The following METTL26 variants were observed in gnomAD, a reference collection of about 807,000 sequenced individuals.
The protein encoded by METTL26 is methyltransferase-like 26.
A neutral mutation model predicts 24.7 loss-of-function variants in METTL26; 28 were observed. The observed-to-expected ratio is 1.13, with a 90% confidence interval of 0.84 to 1.55. METTL26 has a LOEUF of 1.55. METTL26 is among the 40% of genes most tolerant of loss of function. The pLI, the probability that METTL26 is intolerant of heterozygous loss-of-function variation, is 0.00. For synonymous variants in METTL26, 165 were observed against 125.2 expected, an observed-to-expected ratio of 1.32 and a Z score of -2.12; for missense variants, 344 against 281.2, an observed-to-expected ratio of 1.22 and a Z score of -1.60.
Position 635,293 on chromosome 16 carries a change from G to A in METTL26, c.408C>T (p.Leu136=), listed in dbSNP as rs1187444517. Reference sequence around the variant, plus strand: ...CAGGCCCACTCACCCCGTAGGTGATGAGCAGGGCCCTGGGTTTGAGCAGGT... The same window carrying A: ...CAGGCCCACTCACCCCGTAGGTGATAAGCAGGGCCCTGGGTTTGAGCAGGT... ...AGHLLKPRAL[L]ITYGPYAING... The change falls in exon 3 of 6, where the codon CTC becomes CTT. Residue 136 remains leucine (L), a synonymous_variant. Coordinates refer to ENST00000301686, the MANE Select transcript of METTL26 (RefSeq NM_032366.5). 1 of 1,594,638 alleles carries A rather than the reference G, an allele frequency of 6.3e-7. No individual in the cohort carries two copies. The highest frequency in any genetic ancestry group is 8.5e-7 in the Non-Finnish European group (1 of 1,170,478).
chr16:636,195 G>A lies in METTL26; in HGVS notation c.96C>T (p.Leu32=). ...GCTGGCCGGAGCCCGAGGCCACCTC[G>A]AGGACGCGGACGCCACGCTGGGCCG... ...LDPAQRGVRV[L]EVASGSGQHA... Residue 32 remains leucine (L), a synonymous_variant, in exon 1 of 6, where the codon CTC becomes CTT. Transcript: ENST00000301686. The A allele has an allele frequency of 5.4e-6, 8 of 1,489,792 alleles. No homozygotes were observed. The highest frequency in any genetic ancestry group is 7.1e-6 in the Non-Finnish European group (8 of 1,126,282). The allele number at this position is 1,489,792 out of a possible 1,614,324, so 92.3% of individuals were successfully genotyped here.
chr16:635,690 C>T lies in METTL26; in HGVS notation c.282G>A (p.Trp94Ter), dbSNP rs996157170. The change falls in exon 2 of 6, where the codon TGG becomes TGA. Residue 94 changes from tryptophan to a stop codon, truncating the protein, a stop_gained. Coordinates refer to ENST00000301686, the MANE Select transcript of METTL26 (RefSeq NM_032366.5). LOFTEE classifies it high-confidence loss of function. ...HLDVTWGWEH[W>*]GGILPQSLDL... ...CCAGCGACTGTGGCAGGATCCCGCCCCAGTGCTCCCAGCCCCACGTCACGT... is the reference window on the plus strand; with the variant it reads ...CCAGCGACTGTGGCAGGATCCCGCCTCAGTGCTCCCAGCCCCACGTCACGT... The T allele has an allele frequency of 1.1e-5, 17 of 1,559,934 alleles. No individual in the cohort carries two copies. Among genetic ancestry groups the T allele is most frequent in the Non-Finnish European group, 1.4e-5 (16 of 1,152,930 alleles).
At chr16:634,868 C>A (rs772124479) in intron 4 of METTL26, 21 bp downstream of exon 4, 5 of 1,568,588 alleles carry the variant, frequency 3.2e-6, no homozygotes, top group Non-Finnish European at 2.6e-6. Context: ...CTGAGCCAGA[C>A]CCCCCGCCTC....
At chr16:634,674 C>A in intron 5 of METTL26, 30 bp from the exon 6 acceptor site, 1 of 1,613,048 alleles carries the variant, frequency 6.2e-7, no homozygotes, top group Non-Finnish European at 8.5e-7. Context: ...GAGGACGGCC[C>A]TCAACCCCTA....
chr16:634,924 C>G lies in METTL26; in HGVS notation c.453G>C (p.Gln151His). The G allele has an allele frequency of 6.2e-7, 1 of 1,606,656 alleles. No homozygotes were observed. The highest frequency in any genetic ancestry group is 8.5e-7 in the Non-Finnish European group (1 of 1,177,040). Residue 151 changes from glutamine (Q) to histidine (H), a missense_variant, in exon 4 of 6, where the codon CAG becomes CAC. Gln to His is a conservative substitution (Grantham distance 24). Transcript: ENST00000301686. ...PYAINGKISP[Q>H]SNVDFDLMLR... ...GCATCAGGTCAAAGTCCACGTTGCT[C>G]TGGGGGGAGATCTTCCCATTGATGG...
Position 636,108 on chromosome 16 carries a change from C to A in METTL26, c.183G>T (p.Gln61His). 1 of 1,407,108 alleles carries A rather than the reference C, an allele frequency of 7.1e-7. No individual in the cohort carries two copies. Among genetic ancestry groups the A allele is most frequent in the South Asian group, 1.5e-5 (1 of 65,052 alleles). 87.2% of individuals were successfully genotyped at this position (1,407,108 alleles called of 1,614,324 possible). A position where few individuals can be genotyped will look rare whatever the true frequency, so the allele number is the denominator to read the frequency against. ...LAEWQPSDVDQRCLDSIAATT... is the reference protein window; with the variant it reads ...LAEWQPSDVDHRCLDSIAATT... Reference sequence around the variant, plus strand: ...GGGGGCCGCACCTGTCCAGGCAGCGCTGGTCCACGTCCGACGGCTGCCACT... The same window carrying A: ...GGGGGCCGCACCTGTCCAGGCAGCGATGGTCCACGTCCGACGGCTGCCACT... Residue 61 changes from glutamine to histidine, a missense_variant, in exon 1 of 6, where the codon CAG becomes CAT. Gln to His is a conservative substitution (Grantham distance 24, BLOSUM62 0). Coordinates refer to ENST00000301686, the MANE Select transcript of METTL26 (RefSeq NM_032366.5).
At position 635,666 on chromosome 16, in the gene METTL26, C is replaced by A; in HGVS notation, c.306G>T (p.Leu102=). The A allele has an allele frequency of 6.4e-7, 1 of 1,553,836 alleles. No individual in the cohort carries two copies. Among genetic ancestry groups the A allele is most frequent in the South Asian group, 1.2e-5 (1 of 84,276 alleles). Residue 102 remains leucine, a synonymous_variant, in exon 2 of 6, where the codon CTG becomes CTT. Coordinates refer to ENST00000301686, the MANE Select transcript of METTL26 (RefSeq NM_032366.5). ...EHWGGILPQS[L]DLLLCINMAH... ...CCATGTTGATGCAGAGCAACAGGTC[C>A]AGCGACTGTGGCAGGATCCCGCCCC... is the stretch of plus-strand genomic sequence containing the variant.
intron 1 of METTL26, 48 bp from the exon 2 acceptor site, chr16:635,822 C>G: frequency 6.7e-7 from 1 of 1,492,768 alleles, no homozygotes; most frequent in Admixed American, 2.1e-5. Context: ...GTGCACCCGC[C>G]TTTCCGACGC....
At chr16:635,932 G>A (rs1274363446) in intron 1 of METTL26, 158 bp from the exon 2 acceptor site, 3 of 1,331,170 alleles carry the variant, frequency 2.3e-6, no homozygotes, top group Non-Finnish European at 3.0e-6. Flanking sequence ...TTCCGCAGCC[G>A]CGGGGGCCGC....
At chr16:635,863 G>T (rs1439146604) in intron 1 of METTL26, 89 bp from the exon 2 acceptor site, 7 of 1,444,498 alleles carry the variant, frequency 4.8e-6, no homozygotes, top group East Asian at 2.5e-5. Context: ...GAGGCTGGGG[G>T]GCACGTTGAG....
chr16:635,259 C>T (rs372346583), intron 3 of METTL26, 22 bp downstream of exon 3: 95 of 1,557,242 alleles, frequency 6.1e-5, no homozygotes, highest in Admixed American at 2.8e-4. Flanking sequence ...GCGGGAGGCC[C>T]GCCGTGGACA....
At chr16:635,167 C>T (rs955604790) in intron 3 of METTL26, 114 bp downstream of exon 3, 6 of 1,472,392 alleles carry the variant, frequency 4.1e-6, no homozygotes, top group Admixed American at 2.3e-5. Context: ...GGAGGGGAGG[C>T]CGTGCTGGTG....
rs2037029269 is a variant in METTL26 at position 634,610 on chromosome 16, A to C, written c.602T>G (p.Phe201Cys). Residue 201 changes from phenylalanine (F) to cysteine (C), a missense_variant, in exon 6 of 6, where the codon TTC (phenylalanine) becomes TGC (cysteine). Phe to Cys is a radical substitution (Grantham distance 205). Coordinates refer to ENST00000301686, the MANE Select transcript of METTL26 (RefSeq NM_032366.5). ...TGAAGGAGGGGCTTAGTTTTTCCGGAAGATCAGGCATTTGTTGTTGGCTGG... is the reference window on the plus strand; with the variant it reads ...TGAAGGAGGGGCTTAGTTTTTCCGGCAGATCAGGCATTTGTTGTTGGCTGG... ...DMPANNKCLI[F>C]RKN The C allele has an allele frequency of 1.9e-6, 3 of 1,613,352 alleles. No individual in the cohort carries two copies. Among genetic ancestry groups the C allele is most frequent in the Non-Finnish European group, 2.5e-6 (3 of 1,179,982 alleles).
Position 636,244 on chromosome 16 carries a change from T to C in METTL26, c.47A>G (p.His16Arg). The C allele has an allele frequency of 6.7e-7, 1 of 1,490,080 alleles. No homozygotes were observed. 92.3% of individuals were successfully genotyped at this position (1,490,080 alleles called of 1,614,324 possible). The change falls in exon 1 of 6, where the codon CAC becomes CGC. Residue 16 changes from histidine to arginine, a missense_variant. Transcript: ENST00000301686. ...AAERNKDPIL[H>R]VLRQYLDPAQ... ...CGGATCCAGGTACTGCCGCAGCACG[T>C]GCAAGATGGGATCCTTGTTCCGCTC...
At chr16:635,047 GA>G in intron 3 of METTL26, 91 bp from the exon 4 acceptor site, 1 of 1,531,998 alleles carries the variant, frequency 6.5e-7, no homozygotes, top group Non-Finnish European at 8.7e-7. Flanking sequence ...TTTGGAGAAT[GA>G]AAGGGCACCC....
At chr16:635,925 C>A in intron 1 of METTL26, 151 bp from the exon 2 acceptor site, 2 of 1,342,654 alleles carry the variant, frequency 1.5e-6, no homozygotes, top group Non-Finnish European at 2.0e-6. Flanking sequence ...CACCCACTTC[C>A]GCAGCCGCGG....
Position 634,890 on chromosome 16 carries a change from T to C in METTL26, c.487A>G (p.Arg163Gly), listed in dbSNP as rs933966318. 1.2e-6 allele frequency: 2 copies of C among 1,600,284 alleles called. No homozygotes were observed. The highest frequency in any genetic ancestry group is 3.3e-4 in the Middle Eastern group (2 of 6,026). ...NVDFDLMLRC[R>G]NPEWGLRDTA... ...AGACCCCCCGCCTCTAGCTCTGACCTGCATCTGAGCATCAGGTCAAAGTCC... is the reference window on the plus strand; with the variant it reads ...AGACCCCCCGCCTCTAGCTCTGACCCGCATCTGAGCATCAGGTCAAAGTCC... The change falls in exon 4 of 6, where the codon AGG (arginine) becomes GGG (glycine). Residue 163 changes from arginine to glycine, a missense_variant and splice_region_variant. By Grantham distance (125) the Arg-to-Gly change is moderately radical. Transcript: ENST00000301686.
Position 636,076 on chromosome 16 carries a change from C to A in METTL26, c.197+18G>T. The stretch of plus-strand genomic sequence containing the variant: ...CGGACCGCCGCACCGATAGAAGTGG[C>A]CGCCCCGGGGGCCGCACCTGTCCAG... On this transcript the variant is annotated intron_variant, in intron 1 of 5. Transcript: ENST00000301686. 1 of 1,408,348 alleles carries A rather than the reference C, an allele frequency of 7.1e-7. No homozygotes were observed. The allele number at this position is 1,408,348 out of a possible 1,614,324, so 87.2% of individuals were successfully genotyped here.
Position 635,353 on chromosome 16 carries a change from A to T in METTL26, c.361-13T>A, listed in dbSNP as rs767725491. On this transcript the variant is annotated splice_polypyrimidine_tract_variant and intron_variant, in intron 2 of 5. Transcript: ENST00000301686. The stretch of plus-strand genomic sequence containing the variant: ...CTCTGAAGAGCCCCTGGTGAGTAGG[A>T]ACAGGACGGCAGTGAGGTGCTGCCC... 3.3e-5 allele frequency: 52 copies of T among 1,594,832 alleles called. 1 individual carries two copies. Among genetic ancestry groups the T allele is most frequent in the South Asian group, 2.4e-4 (21 of 88,556 alleles).
Sources: allele counts gnomAD v4.1 joint callset, GRCh38; gene constraint gnomAD v4.1.1; transcripts MANE v1.5; gene names NCBI Gene and HGNC (gene_info 2026-07-23, HGNC 2026-07-21).